Variants in TMEM165 observed in about 807,000 individuals in gnomAD.
TMEM165 encodes transmembrane protein 165.
Under a neutral mutation model 30.0 loss-of-function variants are expected in TMEM165, and 19 were observed. The observed-to-expected ratio is 0.63, with a 90% confidence interval of 0.44 to 0.93. TMEM165 has a LOEUF of 0.93. Ranked by LOEUF, TMEM165 falls within the 40% of genes least tolerant of loss-of-function variation. The probability of loss-of-function intolerance (pLI) is 0.00; values close to 1 mark genes in which losing one functional copy is unlikely to be tolerated. For synonymous variants in TMEM165, 168 were observed against 162.9 expected, an observed-to-expected ratio of 1.03 and a Z score of -0.24; for missense variants, 340 against 417.0, an observed-to-expected ratio of 0.82 and a Z score of 1.61.
chr4:55,439,962 T>C (rs1203910979), intron 3 of TMEM165, among the ~76,000 whole-genome samples: 3 of 152,142 alleles, frequency 2.0e-5, no homozygotes, highest in African/African-American at 7.2e-5. Flanking sequence ...GAACTGTATA[T>C]TTTAAAACGG....
chr4:55,400,852 CA>C (rs1229599866), intron 1 of TMEM165, among the ~76,000 whole-genome samples: 2 of 150,744 alleles, frequency 1.3e-5, no homozygotes, highest in African/African-American at 5.0e-5. Context: ...ATATAAGTGT[CA>C]TTGGCTATTT....
intron 1 of TMEM165, among the ~76,000 whole-genome samples, chr4:55,397,670 C>CT (rs1720782881): frequency 6.6e-6 from 1 of 151,104 alleles, no homozygotes; most frequent in African/African-American, 2.4e-5. Context: ...CTTTCCTCTC[C>CT]TTTCTCCTTT....
intron 3 of TMEM165, among the ~76,000 whole-genome samples, chr4:55,436,378 C>G (rs1044132291): frequency 3.3e-5 from 5 of 152,114 alleles, no homozygotes; most frequent in African/African-American, 1.2e-4. Context: ...TGACTCTGGG[C>G]AAGACTCAAA....
chr4:55,435,637 A>G, intron 3 of TMEM165: 3 of 1,595,188 alleles, frequency 1.9e-6, no homozygotes, highest in Non-Finnish European at 2.6e-6. Context: ...TACTCCCTTT[A>G]TGGCACCCAC....
At chr4:55,424,443 G>T in intron 4 of TMEM165, 95 bp from the exon 5 acceptor site, 1 of 730,460 alleles carries the variant, frequency 1.4e-6, no homozygotes, top group Admixed American at 2.5e-5. Context: ...CTTTTTAATT[G>T]TTGGCCACCA....
chr4:55,420,281 A>G (rs1383975720), intron 4 of TMEM165, among the ~76,000 whole-genome samples: 1 of 150,542 alleles, frequency 6.6e-6, no homozygotes, highest in Non-Finnish European at 1.5e-5. Context: ...TACCAGGGTG[A>G]GTTATCATGA....
intron 3 of TMEM165, among the ~76,000 whole-genome samples, chr4:55,446,101 C>CTTCTT (rs1553890777): frequency 9.3e-6 from 1 of 107,372 alleles, no homozygotes; most frequent in African/African-American, 3.5e-5. Context: ...AATTTAACTT[C>CTTCTT]TTTTTTTTTT....
intron 1 of TMEM165, among the ~76,000 whole-genome samples, chr4:55,397,625 C>T (rs1294035373): frequency 6.6e-6 from 1 of 151,682 alleles, no homozygotes; most frequent in Non-Finnish European, 1.5e-5. Flanking sequence ...CTGACCCTTT[C>T]CTTTCCTTTC....
intron 3 of TMEM165, among the ~76,000 whole-genome samples, chr4:55,444,227 T>TA (rs1460072727): frequency 6.6e-6 from 1 of 152,210 alleles, no homozygotes; most frequent in Non-Finnish European, 1.5e-5. Context: ...CATAGTCTCC[T>TA]AGAGTGGTCC....
intron 1 of TMEM165, among the ~76,000 whole-genome samples, chr4:55,396,717 C>CA (rs1274168627): frequency 6.6e-6 from 1 of 152,156 alleles, no homozygotes; most frequent in East Asian, 1.9e-4. Flanking sequence ...TCATCCCTAC[C>CA]AAAAAGTTTT....
chr4:55,432,607 C>T (rs954620669), intron 3 of TMEM165: 14 of 123,312 alleles, frequency 1.1e-4, no homozygotes, highest in South Asian at 7.7e-4. Context: ...CATTTGAATG[C>T]TCAAGTTTCA....
intron 3 of TMEM165, among the ~76,000 whole-genome samples, chr4:55,439,619 C>T (rs1166495395): frequency 1.3e-5 from 2 of 152,184 alleles, no homozygotes; most frequent in African/African-American, 4.8e-5. Flanking sequence ...CCCAAGACTC[C>T]ATTGACAGAC....
intron 1 of TMEM165, among the ~76,000 whole-genome samples, chr4:55,400,221 T>TATTA (rs369859532): frequency 0.84 from 92,577 of 109,632 alleles, 39,025 homozygotes; most frequent in East Asian, 0.98. Flanking sequence ...TTATATTATA[T>TATTA]ATTAATATAT....
chr4:55,411,598 G>T lies in TMEM165; in HGVS notation c.208-16G>T, dbSNP rs1035439925. On this transcript the variant is annotated splice_polypyrimidine_tract_variant and intron_variant, in intron 1 of 5. Coordinates refer to ENST00000381334, the MANE Select transcript of TMEM165 (RefSeq NM_018475.5). ...TGAATAATGATTTTAAGAAGTAACT[G>T]ATTTTTTTTTTCCAGAAAATATTTA... The T allele has an allele frequency of 1.3e-6, 2 of 1,554,710 alleles. No homozygotes were observed. Among genetic ancestry groups the T allele is most frequent in the Non-Finnish European group, 1.8e-6 (2 of 1,133,912 alleles).
At chr4:55,400,341 T>C (rs865805500) in intron 1 of TMEM165, among the ~76,000 whole-genome samples, 10 of 57,064 alleles carry the variant, frequency 1.8e-4, no homozygotes, top group Middle Eastern at 0.01. Context: ...AATATAATAT[T>C]AATTATATTA....
chr4:55,451,049 A>T (rs993909243), intron 3 of TMEM165, among the ~76,000 whole-genome samples: 1 of 151,992 alleles, frequency 6.6e-6, no homozygotes, highest in Non-Finnish European at 1.5e-5. Context: ...TAAAAAAAAA[A>T]AAGGCAAAAA....
At chr4:55,438,200 T>C in intron 3 of TMEM165, 3 of 1,508,152 alleles carry the variant, frequency 2.0e-6, no homozygotes, top group Non-Finnish European at 2.8e-6. Flanking sequence ...TTCACATCAC[T>C]CACAAATCTG....
intron 2 of TMEM165, among the ~76,000 whole-genome samples, chr4:55,413,528 C>G (rs1721600099): frequency 6.6e-6 from 1 of 152,200 alleles, no homozygotes; most frequent in Admixed American, 6.5e-5. Context: ...GTTGGCCAGG[C>G]TGGTCTCAAA....
At chr4:55,426,583 A>C (rs1261012941), downstream of TMEM165, among the ~76,000 whole-genome samples, 1 of 152,240 alleles carries the variant, frequency 6.6e-6, no homozygotes, top group Non-Finnish European at 1.5e-5. Flanking sequence ...AATCATATGC[A>C]GTAACATTCC....
Sources: allele counts gnomAD v4.1 joint callset (sites outside exome capture counted in the v4.1 genomes callset), GRCh38; gene constraint gnomAD v4.1.1; transcripts MANE v1.5; gene names NCBI Gene and HGNC (gene_info 2026-07-23, HGNC 2026-07-21).